Variants in TEX9 observed in about 807,000 individuals in gnomAD.
TEX9 encodes testis-expressed protein 9.
A neutral mutation model predicts 59.6 loss-of-function variants in TEX9; 74 were observed. That is an observed-to-expected ratio of 1.24 (90% CI 1.03 to 1.51). TEX9 has a LOEUF of 1.51. Among genes scored for constraint, TEX9 ranks in the 40% most tolerant of loss-of-function variants. TEX9 has a pLI of 0.00. For missense variants in TEX9, 522 were observed against 447.8 expected, an observed-to-expected ratio of 1.17 and a Z score of -1.49; for synonymous variants, 186 against 152.2, an observed-to-expected ratio of 1.22 and a Z score of -1.64.
chr15:56,285,338 C>T (rs566288231), intron 1 of TEX9, among the ~76,000 whole-genome samples: 5 of 152,234 alleles, frequency 3.3e-5, no homozygotes, highest in East Asian at 1.9e-4. Context: ...AAACAGAGGT[C>T]GTAGATAATT....
intron 1 of TEX9, among the ~76,000 whole-genome samples, chr15:56,351,871 T>C (rs1220425273): frequency 6.6e-6 from 1 of 152,200 alleles, no homozygotes; most frequent in Non-Finnish European, 1.5e-5. Context: ...CTCTACAAAA[T>C]GCTTTATTTT....
chr15:56,441,682 T>C (rs888556161), intron 12 of TEX9, among the ~76,000 whole-genome samples: 1 of 152,048 alleles, frequency 6.6e-6, no homozygotes, highest in African/African-American at 2.4e-5. Flanking sequence ...CTAATATCCA[T>C]AATATCTAAG....
intron 10 of TEX9, among the ~76,000 whole-genome samples, chr15:56,415,803 G>A (rs1269116540): frequency 1.3e-5 from 2 of 151,858 alleles, no homozygotes; most frequent in South Asian, 2.1e-4. Context: ...GATAGGAATA[G>A]CATTGAATCT....
intron 4 of TEX9, among the ~76,000 whole-genome samples, chr15:56,388,033 C>A (rs1415182048): frequency 6.6e-6 from 1 of 151,956 alleles, no homozygotes; most frequent in Non-Finnish European, 1.5e-5. Flanking sequence ...ACAAGGCAGA[C>A]GTGATTTCTA....
intron 12 of TEX9, chr15:56,431,633 TAATATATATTTTTAA>T (rs2050599306): frequency 1.6e-6 from 1 of 608,968 alleles, no homozygotes; most frequent in South Asian, 3.5e-5. Context: ...AGATTCTAGA[TAATATATATTTTTAA>T]AATATATATT....
intron 12 of TEX9, among the ~76,000 whole-genome samples, chr15:56,433,789 C>G (rs991392274): frequency 2.0e-5 from 3 of 152,178 alleles, no homozygotes; most frequent in Non-Finnish European, 4.4e-5. Flanking sequence ...CTGTTTCTCT[C>G]TCTGCCATAC....
At chr15:56,275,196 A>G (rs1178913644) in intron 1 of TEX9, among the ~76,000 whole-genome samples, 4 of 152,106 alleles carry the variant, frequency 2.6e-5, no homozygotes, top group African/African-American at 9.7e-5. Flanking sequence ...CAACGGTTGG[A>G]AGTTTTTTCA....
chr15:56,455,852 G>A, the TEX9 span, among the ~76,000 whole-genome samples: 5 of 152,066 alleles, frequency 3.3e-5, no homozygotes, highest in Non-Finnish European at 5.9e-5. Context: ...AAGGAACAAG[G>A]GATAGCTAAC....
chr15:56,362,602 TA>T (rs1359900417), upstream of TEX9, among the ~76,000 whole-genome samples: 5 of 152,370 alleles, frequency 3.3e-5, no homozygotes, highest in African/African-American at 9.6e-5. Context: ...AGTGTACTAT[TA>T]ATTGGCTTTT....
chr15:56,357,531 T>C (rs1327480457), intron 1 of TEX9, among the ~76,000 whole-genome samples: 1 of 152,172 alleles, frequency 6.6e-6, no homozygotes, highest in Non-Finnish European at 1.5e-5. Context: ...TGCTTCTCAA[T>C]TTTTCAAATC....
At chr15:56,337,696 A>G (rs2718905) in intron 1 of TEX9, among the ~76,000 whole-genome samples, 50,368 of 152,126 alleles carry the variant, frequency 0.33, 8,741 homozygotes, top group Middle Eastern at 0.49. Context: ...ACCCTTTTCA[A>G]TTGGAAAGGA....
chr15:56,322,849 AT>A (rs530943128), intron 1 of TEX9, among the ~76,000 whole-genome samples: 403 of 143,178 alleles, frequency 2.8e-3, no homozygotes, highest in African/African-American at 9.2e-3. Context: ...CAGTAAAAAA[AT>A]ATCACATGTT....
intron 1 of TEX9, among the ~76,000 whole-genome samples, chr15:56,305,867 A>G (rs555154424): frequency 2.0e-4 from 31 of 152,334 alleles, no homozygotes; most frequent in African/African-American, 6.3e-4. Context: ...TTCGCAATCT[A>G]TCTATCTGAC....
chr15:56,391,990 T>C (rs1477036971), intron 7 of TEX9, among the ~76,000 whole-genome samples: 1 of 152,074 alleles, frequency 6.6e-6, no homozygotes, highest in African/African-American at 2.4e-5. Context: ...CTGAAAACAT[T>C]AGTAAATTTA....
intron 1 of TEX9, among the ~76,000 whole-genome samples, chr15:56,359,880 A>C (rs1468177412): frequency 1.3e-5 from 2 of 152,176 alleles, no homozygotes; most frequent in Non-Finnish European, 2.9e-5. Context: ...ATTTTGTGGA[A>C]GTTCTTTATC....
At chr15:56,273,736 A>T (rs1170041406) in intron 1 of TEX9, among the ~76,000 whole-genome samples, 1 of 152,136 alleles carries the variant, frequency 6.6e-6, no homozygotes, top group Non-Finnish European at 1.5e-5. Flanking sequence ...TTTTTTCAGC[A>T]CTTTAAATAT....
intron 10 of TEX9, among the ~76,000 whole-genome samples, chr15:56,421,253 G>C (rs2049964061): frequency 6.6e-6 from 1 of 151,822 alleles, no homozygotes; most frequent in African/African-American, 2.4e-5. Flanking sequence ...CAGTATCTAA[G>C]AAGATTGTTA....
chr15:56,334,692 A>G (rs2046225286), intron 1 of TEX9, among the ~76,000 whole-genome samples: 1 of 152,200 alleles, frequency 6.6e-6, no homozygotes, highest in Non-Finnish European at 1.5e-5. Flanking sequence ...CAACAAAGGA[A>G]ACAATCCACA....
chr15:56,411,264 A>C (rs1340863001), intron 9 of TEX9, among the ~76,000 whole-genome samples: 2 of 152,186 alleles, frequency 1.3e-5, no homozygotes, highest in African/African-American at 4.8e-5. Context: ...TATCCCACTG[A>C]AGTGCTGAGT....
Sources: gnomAD v4.1 joint callset for allele counts (sites outside exome capture counted in the v4.1 genomes callset) on GRCh38, gnomAD v4.1.1 for gene constraint, MANE v1.5 for transcripts, NCBI Gene and HGNC (gene_info 2026-07-23, HGNC 2026-07-21) for gene names.